CTNNA3: variants seen among roughly 807,000 people sequenced by gnomAD.
CTNNA3 encodes the protein catenin alpha-3.
Under a neutral mutation model 95.7 loss-of-function variants are expected in CTNNA3, and 76 were observed. The ratio of observed to expected loss-of-function variants is 0.79; its 90% CI spans 0.66 to 0.96. The LOEUF is 0.96. Ranked by LOEUF, CTNNA3 falls within the 40% of genes least tolerant of loss-of-function variation. The probability of loss-of-function intolerance (pLI) is 0.00; values close to 1 mark genes in which losing one functional copy is unlikely to be tolerated. For missense variants in CTNNA3, 1,191 were observed against 1,089.8 expected (o/e 1.09, Z -1.31); for synonymous variants, 431 against 374.4 (o/e 1.15, Z -1.74).
At chr10:66,461,097 A>G (rs539384573) in intron 11 of CTNNA3, among the ~76,000 whole-genome samples, 2 of 152,290 alleles carry the variant, frequency 1.3e-5, no homozygotes, top group Non-Finnish European at 2.9e-5. Context: ...TCTGGTAAAA[A>G]CTGGTCATTA....
intron 15 of CTNNA3, among the ~76,000 whole-genome samples, chr10:66,009,451 C>A (rs1252292051): frequency 6.6e-6 from 1 of 152,172 alleles, no homozygotes; most frequent in Non-Finnish European, 1.5e-5. Context: ...GGGATATACA[C>A]TAAAGGAGAG....
At chr10:67,636,573 G>C (rs1351065819) in intron 2 of CTNNA3, among the ~76,000 whole-genome samples, 1 of 152,152 alleles carries the variant, frequency 6.6e-6, no homozygotes, top group South Asian at 2.1e-4. Context: ...ATGGGGAAAA[G>C]ATTTCCTATT....
intron 5 of CTNNA3, among the ~76,000 whole-genome samples, chr10:67,379,022 T>C (rs578177674): frequency 6.6e-6 from 1 of 152,314 alleles, no homozygotes; most frequent in East Asian, 1.9e-4. Context: ...CTTCACTGTG[T>C]TTGTGTACCT....
intron 3 of CTNNA3, among the ~76,000 whole-genome samples, chr10:67,556,546 G>A (rs941729367): frequency 6.6e-6 from 1 of 152,062 alleles, no homozygotes; most frequent in Non-Finnish European, 1.5e-5. Flanking sequence ...TTGCTTAGAG[G>A]TGTTTATAGT....
chr10:67,306,257 T>C (rs1288246572), intron 5 of CTNNA3, among the ~76,000 whole-genome samples: 3 of 152,104 alleles, frequency 2.0e-5, no homozygotes, highest in Non-Finnish European at 4.4e-5. Context: ...TAATAAAAGA[T>C]AAAGTTTGGG....
At position 66,767,223 on chromosome 10, in the gene CTNNA3, G is replaced by A. The variant is rs536642678; in HGVS notation, c.1129-807C>T. ...AGCACTTTGGGAGGCCAAGGCAGGCGAATCACGAGGTCAGGAGTTCGAGAA... is the reference window on the plus strand; with the variant it reads ...AGCACTTTGGGAGGCCAAGGCAGGCAAATCACGAGGTCAGGAGTTCGAGAA... On this transcript the variant is annotated intron_variant, in intron 8 of 17. Transcript: ENST00000433211. Among the ~76,000 whole-genome samples the A allele has an allele frequency of 5.3e-5, 8 of 152,010 alleles. No individual in the cohort carries two copies. In the East Asian group the frequency reaches 9.7e-4, roughly 18 times the overall value.
chr10:66,316,053 T>C (rs1442672695), intron 12 of CTNNA3, among the ~76,000 whole-genome samples: 1 of 152,086 alleles, frequency 6.6e-6, no homozygotes, highest in Non-Finnish European at 1.5e-5. Flanking sequence ...ATGGCATGTT[T>C]CTGGTCACAA....
chr10:66,688,184 G>C (rs1471832909), intron 9 of CTNNA3, among the ~76,000 whole-genome samples: 10 of 152,128 alleles, frequency 6.6e-5, no homozygotes, highest in Admixed American at 6.6e-5. Flanking sequence ...GATGACTCAA[G>C]TATTTCCGTG....
intron 7 of CTNNA3, chr10:66,926,629 A>G: frequency 6.2e-7 from 1 of 1,606,640 alleles, no homozygotes. Flanking sequence ...TAAAAACAAA[A>G]AACAAAAAAC....
intron 6 of CTNNA3, 93 bp from the exon 7 acceptor site, chr10:67,180,613 G>A (rs903146319): frequency 9.9e-7 from 1 of 1,014,620 alleles, no homozygotes; most frequent in Non-Finnish European, 1.5e-6. Flanking sequence ...TTAGAATTCA[G>A]ATGTGATAAT....
chr10:66,368,713 T>C (rs1359666499), intron 12 of CTNNA3, among the ~76,000 whole-genome samples: 1 of 152,136 alleles, frequency 6.6e-6, no homozygotes, highest in African/African-American at 2.4e-5. Flanking sequence ...TTAAAGGATA[T>C]ATAAATAAAT....
intron 11 of CTNNA3, among the ~76,000 whole-genome samples, chr10:66,439,162 C>T (rs529516044): frequency 6.6e-6 from 1 of 152,110 alleles, no homozygotes; most frequent in African/African-American, 2.4e-5. Flanking sequence ...CCTCATGATA[C>T]ACATTTTTAA....
intron 7 of CTNNA3, among the ~76,000 whole-genome samples, chr10:66,777,799 G>GCACACACA (rs111611061): frequency 8.0e-5 from 11 of 138,152 alleles, no homozygotes; most frequent in South Asian, 2.3e-4. Context: ...ACACACACAT[G>GCACACACA]CACACACACA....
chr10:66,420,826 TA>T (rs1554959940), intron 11 of CTNNA3, among the ~76,000 whole-genome samples: 5 of 129,614 alleles, frequency 3.9e-5, no homozygotes, highest in South Asian at 2.5e-4. Context: ...AATAAATAAA[TA>T]AATAAATAAA....
intron 13 of CTNNA3, among the ~76,000 whole-genome samples, chr10:66,129,033 G>C: frequency 6.6e-6 from 1 of 152,284 alleles, no homozygotes; most frequent in East Asian, 1.9e-4. Flanking sequence ...GGGAGGCCGA[G>C]GAGGACAGAT....
intron 3 of CTNNA3, among the ~76,000 whole-genome samples, chr10:67,606,154 A>T (rs1301112702): frequency 1.3e-5 from 2 of 152,212 alleles, no homozygotes; most frequent in African/African-American, 4.8e-5. Context: ...AAGAAAATTT[A>T]ACTTTCCTTT....
intron 11 of CTNNA3, among the ~76,000 whole-genome samples, chr10:66,403,827 T>C (rs2093037778): frequency 6.6e-6 from 1 of 152,184 alleles, no homozygotes; most frequent in Admixed American, 6.5e-5. Flanking sequence ...TGCTTGGTCA[T>C]TCCTGGGCAT....
chr10:66,651,657 G>GGCCTGCCGGCCT (rs568362452), intron 9 of CTNNA3, among the ~76,000 whole-genome samples: 1 of 105,436 alleles, frequency 9.5e-6, no homozygotes, highest in Non-Finnish European at 1.8e-5. Flanking sequence ...AGTGCCCGCC[G>GGCCTGCCGGCCT]GCCGGCACTG....
intron 7 of CTNNA3, among the ~76,000 whole-genome samples, chr10:67,032,720 G>A (rs1456357940): frequency 1.3e-5 from 2 of 152,100 alleles, no homozygotes; most frequent in African/African-American, 2.4e-5. Context: ...ATAATATCCT[G>A]TGTAAAAGAA....
Sources: allele counts gnomAD v4.1 joint callset (sites outside exome capture counted in the v4.1 genomes callset), GRCh38; gene constraint gnomAD v4.1.1; transcripts MANE v1.5; gene names NCBI Gene and HGNC (gene_info 2026-07-23, HGNC 2026-07-21).